The following ALK variants were observed in gnomAD, a reference collection of about 807,000 sequenced individuals.
ALK encodes ALK receptor tyrosine kinase.
Under a neutral mutation model 163.1 loss-of-function variants are expected in ALK, and 74 were observed. The observed-to-expected ratio is 0.45, with a 90% CI of 0.38 to 0.55. The LOEUF (loss-of-function observed/expected upper bound fraction) is 0.55, where lower values mean the gene tolerates loss of function less well. ALK is among the 20% of genes least tolerant of loss of function. The probability of loss-of-function intolerance (pLI) is 0.00; values close to 1 mark genes in which losing one functional copy is unlikely to be tolerated. For missense variants in ALK, 2,063 were observed against 2,105.3 expected, an observed-to-expected ratio of 0.98 and a Z score of 0.39; for synonymous variants, 960 against 843.2, an observed-to-expected ratio of 1.14 and a Z score of -2.40.
intron 13 of ALK, among the ~76,000 whole-genome samples, chr2:29,239,414 C>G (rs1217442842): frequency 6.6e-6 from 1 of 152,150 alleles, no homozygotes; most frequent in East Asian, 1.9e-4. Flanking sequence ...GGGGGGGAGC[C>G]TGGCCCAACC....
At chr2:29,587,438 T>G (rs1674919968) in intron 3 of ALK, among the ~76,000 whole-genome samples, 1 of 72,138 alleles carries the variant, frequency 1.4e-5, no homozygotes, top group South Asian at 5.1e-4. Flanking sequence ...GAGAGATCAC[T>G]TCTTCTTCTG....
intron 5 of ALK, among the ~76,000 whole-genome samples, chr2:29,367,391 A>G (rs2148290659): frequency 6.6e-6 from 1 of 152,336 alleles, no homozygotes; most frequent in South Asian, 2.1e-4. Flanking sequence ...TAGAACCATA[A>G]TGTCTTTGGG....
At chr2:29,848,342 G>A (rs1018210722) in intron 1 of ALK, among the ~76,000 whole-genome samples, 34 of 150,974 alleles carry the variant, frequency 2.3e-4, no homozygotes, top group African/African-American at 8.1e-4. Flanking sequence ...CCTTGTTCAG[G>A]AAGGCTTTTT....
intron 4 of ALK, among the ~76,000 whole-genome samples, chr2:29,482,307 T>C (rs148447645): frequency 0.017 from 2,533 of 152,212 alleles, 32 homozygotes; most frequent in Non-Finnish European, 0.027. Flanking sequence ...TTTCATAAAA[T>C]AGAGGGTTGG....
At chr2:29,250,008 C>T (rs1470579947) in intron 12 of ALK, among the ~76,000 whole-genome samples, 2 of 152,208 alleles carry the variant, frequency 1.3e-5, no homozygotes, top group Admixed American at 6.5e-5. Flanking sequence ...GAAATGTTAA[C>T]CTGGAGAGAG....
intron 4 of ALK, among the ~76,000 whole-genome samples, chr2:29,524,819 GATGGATGA>G (rs1672912536): frequency 6.6e-6 from 1 of 151,872 alleles, no homozygotes; most frequent in Admixed American, 6.6e-5. Context: ...TGGATGGATG[GATGGATGA>G]ATGGATGGAT....
At chr2:29,550,417 T>C (rs916064739) in intron 3 of ALK, among the ~76,000 whole-genome samples, 4 of 152,170 alleles carry the variant, frequency 2.6e-5, no homozygotes, top group African/African-American at 9.7e-5. Context: ...GTTTGAGAGA[T>C]GGTATATTGC....
intron 4 of ALK, among the ~76,000 whole-genome samples, chr2:29,407,252 T>C (rs1558311088): frequency 6.6e-6 from 1 of 152,190 alleles, no homozygotes; most frequent in Non-Finnish European, 1.5e-5. Context: ...ATCAAATTTG[T>C]CTCCTTTGGG....
intron 4 of ALK, among the ~76,000 whole-genome samples, chr2:29,453,349 A>G (rs1253383924): frequency 1.3e-5 from 2 of 151,564 alleles, no homozygotes; most frequent in Non-Finnish European, 2.9e-5. Flanking sequence ...CTCCCACCTC[A>G]CCTTTTGAGT....
intron 1 of ALK, among the ~76,000 whole-genome samples, chr2:29,818,300 G>A (rs760847078): frequency 8.5e-5 from 13 of 152,160 alleles, no homozygotes; most frequent in Non-Finnish European, 1.6e-4. Flanking sequence ...TCATTATACC[G>A]TTTGAGTTTT....
At chr2:29,321,110 A>G (rs1373762017) in intron 6 of ALK, among the ~76,000 whole-genome samples, 2 of 152,234 alleles carry the variant, frequency 1.3e-5, no homozygotes, top group African/African-American at 4.8e-5. Context: ...AAAACAAAAT[A>G]GGAAAAATAA....
intron 1 of ALK, among the ~76,000 whole-genome samples, chr2:29,868,353 C>T (rs929316793): frequency 1.3e-5 from 2 of 152,138 alleles, no homozygotes. Flanking sequence ...ATGAACAGAA[C>T]AGACAAAGAT....
At chr2:29,292,814 T>C (rs1336954193) in intron 9 of ALK, among the ~76,000 whole-genome samples, 2 of 152,208 alleles carry the variant, frequency 1.3e-5, no homozygotes, top group African/African-American at 2.4e-5. Context: ...TGTTTGTAAG[T>C]GGACAGAAGA....
intron 1 of ALK, among the ~76,000 whole-genome samples, chr2:29,881,197 A>G (rs868734151): frequency 8.5e-5 from 13 of 152,198 alleles, no homozygotes; most frequent in African/African-American, 1.2e-4. Context: ...CTCATTTCCA[A>G]TCCCTCCATT....
At chr2:29,583,035 G>GTTTTTTTTTTTTTTTT (rs10637189) in intron 3 of ALK, among the ~76,000 whole-genome samples, 2 of 108,030 alleles carry the variant, frequency 1.9e-5, no homozygotes, top group African/African-American at 3.3e-5. Flanking sequence ...GCTAACTTTT[G>GTTTTTTTTTTTTTTTT]TTTTTTGTTT....
chr2:29,541,753 G>A (rs1376145987), intron 3 of ALK, among the ~76,000 whole-genome samples: 1 of 152,210 alleles, frequency 6.6e-6, no homozygotes. Flanking sequence ...ATTTGCATCT[G>A]TAGAAAATCT....
chr2:29,419,960 A>T (rs1389245675), intron 4 of ALK, among the ~76,000 whole-genome samples: 2 of 151,234 alleles, frequency 1.3e-5, no homozygotes, highest in African/African-American at 4.9e-5. Flanking sequence ...GGAGTTTGAG[A>T]CCAGCCTGGG....
chr2:29,516,139 T>C (rs1672656365), intron 4 of ALK, among the ~76,000 whole-genome samples: 1 of 152,200 alleles, frequency 6.6e-6, no homozygotes, highest in Non-Finnish European at 1.5e-5. Context: ...TGCCTCAGTT[T>C]ACCTAAGAAT....
chr2:29,823,327 G>C (rs571808618), intron 1 of ALK, among the ~76,000 whole-genome samples: 1 of 152,270 alleles, frequency 6.6e-6, no homozygotes, highest in East Asian at 1.9e-4. Context: ...GGCTAATAAA[G>C]TAAATTGGTA....
Sources: allele counts gnomAD v4.1 joint callset (sites outside exome capture counted in the v4.1 genomes callset), GRCh38; gene constraint gnomAD v4.1.1; transcripts MANE v1.5; gene names NCBI Gene and HGNC (gene_info 2026-07-23, HGNC 2026-07-21).